The following NR3C2 variants were observed in gnomAD, a reference collection of about 807,000 sequenced individuals.
NR3C2 encodes nuclear receptor subfamily 3 group C member 2.
Under a neutral mutation model 86.4 loss-of-function variants are expected in NR3C2, and 15 were observed. That is an observed-to-expected ratio of 0.17 (90% confidence interval 0.12 to 0.27). NR3C2 has a LOEUF of 0.27. Ranked by LOEUF, NR3C2 falls within the 10% of genes least tolerant of loss-of-function variation. The probability of loss-of-function intolerance (pLI) is 1.00; values close to 1 mark genes in which losing one functional copy is unlikely to be tolerated. For synonymous variants in NR3C2, 458 were observed against 450.5 expected (o/e 1.02, Z -0.21); for missense variants, 960 against 1,195.6 (o/e 0.80, Z 2.91).
intron 2 of NR3C2, among the ~76,000 whole-genome samples, chr4:148,348,464 AAGTC>A (rs1745109931): frequency 6.6e-6 from 1 of 152,136 alleles, no homozygotes; most frequent in Admixed American, 6.6e-5. Context: ...GAATAAATGA[AAGTC>A]AGCTTTCCAA....
intron 2 of NR3C2, among the ~76,000 whole-genome samples, chr4:148,294,401 T>G (rs547364521): frequency 1.2e-4 from 19 of 152,296 alleles, no homozygotes; most frequent in African/African-American, 4.6e-4. Context: ...TCCATTTATA[T>G]TAGACATTAT....
At chr4:148,263,297 G>C (rs1170140895) in intron 2 of NR3C2, among the ~76,000 whole-genome samples, 1 of 152,164 alleles carries the variant, frequency 6.6e-6, no homozygotes. Flanking sequence ...TGTTGTGAAA[G>C]AGTACTGCCA....
intron 5 of NR3C2, among the ~76,000 whole-genome samples, chr4:148,153,651 T>C (rs1436350796): frequency 6.6e-6 from 1 of 152,198 alleles, no homozygotes; most frequent in Non-Finnish European, 1.5e-5. Context: ...ATTAATGAAC[T>C]GGGACAATGT....
intron 2 of NR3C2, among the ~76,000 whole-genome samples, chr4:148,284,669 AGCCAAG>A (rs1741427043): frequency 6.6e-6 from 1 of 152,160 alleles, no homozygotes; most frequent in African/African-American, 2.4e-5. Context: ...GTATCTTGTG[AGCCAAG>A]CTTTATGTTA....
intron 2 of NR3C2, among the ~76,000 whole-genome samples, chr4:148,305,598 A>G (rs1229294358): frequency 6.6e-6 from 1 of 152,100 alleles, no homozygotes; most frequent in East Asian, 1.9e-4. Context: ...CTAAAAATTA[A>G]GAAAAGGCTA....
intron 2 of NR3C2, among the ~76,000 whole-genome samples, chr4:148,385,586 T>C (rs963817101): frequency 1.3e-4 from 20 of 152,146 alleles, no homozygotes; most frequent in Admixed American, 3.3e-4. Context: ...CACAAAGATA[T>C]ATCTCCTTAG....
intron 4 of NR3C2, among the ~76,000 whole-genome samples, chr4:148,188,090 C>T (rs573249577): frequency 4.6e-5 from 7 of 152,210 alleles, no homozygotes; most frequent in South Asian, 2.1e-4. Context: ...ATTTTTATAC[C>T]GGTACTACAC....
At chr4:148,267,795 T>A (rs112146092) in intron 2 of NR3C2, among the ~76,000 whole-genome samples, 3,679 of 152,274 alleles carry the variant, frequency 0.024, 86 homozygotes, top group Non-Finnish European at 0.037. Flanking sequence ...ACCAATATTT[T>A]AAAAAATACA....
chr4:148,189,092 C>G, intron 4 of NR3C2, among the ~76,000 whole-genome samples: 1 of 151,994 alleles, frequency 6.6e-6, no homozygotes, highest in East Asian at 1.9e-4. Flanking sequence ...CCACCCCTGG[C>G]TAATTTTTGT....
Position 148,318,829 on chromosome 4 carries a change from C to G in NR3C2, c.1758-58712G>C, listed in dbSNP as rs9685254. On this transcript the variant is annotated intron_variant, in intron 2 of 8. Coordinates refer to ENST00000358102, the MANE Select transcript of NR3C2 (RefSeq NM_000901.5). ...AATTTTCTCCCATTTTGTAGGTTGC[C>G]TGATCACTCTGATGGTAGTTTCTTT... Among the ~76,000 whole-genome samples, 905 of 152,132 alleles carry G rather than the reference C, an allele frequency of 5.9e-3. 4 individuals are homozygous for G. Among genetic ancestry groups the G allele is most frequent in the African/African-American group, 0.021 (861 of 41,466 alleles).
chr4:148,413,520 G>T (rs1421272258), intron 2 of NR3C2, among the ~76,000 whole-genome samples: 1 of 151,862 alleles, frequency 6.6e-6, no homozygotes, highest in African/African-American at 2.4e-5. Context: ...GCATCTGTAT[G>T]AAAAAGAACA....
chr4:148,351,608 T>C (rs2149993140), intron 2 of NR3C2, among the ~76,000 whole-genome samples: 1 of 152,316 alleles, frequency 6.6e-6, no homozygotes, highest in East Asian at 1.9e-4. Flanking sequence ...GTAACAGCCT[T>C]GGAAGAGATG....
rs556256857 is a variant in NR3C2, at chr4:148,147,856, C to A, written c.2510+4613G>T. On this transcript the variant is annotated intron_variant, in intron 6 of 8. Transcript: ENST00000358102. ...AGGCATTGGCAGGCAATGTGTGAGG[C>A]ATGCTTTGAGTTTTCTAGTTCACAC... is the stretch of plus-strand genomic sequence containing the variant. Among the ~76,000 whole-genome samples, 4 of 152,294 alleles carry A rather than the reference C, an allele frequency of 2.6e-5. No individual in the cohort carries two copies. The East Asian group carries it at 7.7e-4, about 29-fold the overall frequency.
chr4:148,224,398 C>T (rs1249844048), intron 3 of NR3C2, among the ~76,000 whole-genome samples: 2 of 152,152 alleles, frequency 1.3e-5, no homozygotes, highest in Non-Finnish European at 2.9e-5. Flanking sequence ...ATTTCCTCAG[C>T]GCTACACACA....
intron 2 of NR3C2, among the ~76,000 whole-genome samples, chr4:148,334,683 C>T (rs1744395567): frequency 6.6e-6 from 1 of 152,222 alleles, no homozygotes; most frequent in South Asian, 2.1e-4. Context: ...GTGTCTGTAG[C>T]TATCAAACAG....
chr4:148,431,297 T>A (rs986385593), intron 2 of NR3C2, among the ~76,000 whole-genome samples: 4 of 152,142 alleles, frequency 2.6e-5, no homozygotes, highest in African/African-American at 9.7e-5. Context: ...CTGAAAACCA[T>A]GAAGCTAGAC....
chr4:148,250,954 T>G (rs1390964777), intron 3 of NR3C2, among the ~76,000 whole-genome samples: 1 of 151,978 alleles, frequency 6.6e-6, no homozygotes, highest in Non-Finnish European at 1.5e-5. Flanking sequence ...TTTTCTTTTT[T>G]TTGGGGGGGA....
intron 2 of NR3C2, among the ~76,000 whole-genome samples, chr4:148,371,855 A>C (rs1291308296): frequency 6.6e-6 from 1 of 152,192 alleles, no homozygotes; most frequent in East Asian, 1.9e-4. Flanking sequence ...GAGGCCAAAC[A>C]GTATAAAATT....
At chr4:148,147,850 G>A (rs1733938743) in intron 6 of NR3C2, among the ~76,000 whole-genome samples, 1 of 152,216 alleles carries the variant, frequency 6.6e-6, no homozygotes, top group African/African-American at 2.4e-5. Context: ...CAGGCAATGT[G>A]TGAGGCATGC....
Sources: allele counts gnomAD v4.1 joint callset (sites outside exome capture counted in the v4.1 genomes callset), GRCh38; gene constraint gnomAD v4.1.1; transcripts MANE v1.5; gene names NCBI Gene and HGNC (gene_info 2026-07-23, HGNC 2026-07-21).